PTPN18: variants seen among roughly 807,000 people sequenced by gnomAD.
PTPN18 encodes the protein tyrosine-protein phosphatase non-receptor type 18.
Under a neutral mutation model 65.4 loss-of-function variants are expected in PTPN18, and 65 were observed. The ratio of observed to expected loss-of-function variants is 0.99; its 90% CI spans 0.81 to 1.22. The LOEUF (loss-of-function observed/expected upper bound fraction) is 1.22, where lower values mean the gene tolerates loss of function less well. Among genes scored for constraint, PTPN18 ranks in the 50% most tolerant of loss-of-function variants. The probability of loss-of-function intolerance (pLI) is 0.00; values close to 1 mark genes in which losing one functional copy is unlikely to be tolerated. For missense variants in PTPN18, 616 were observed against 646.5 expected (o/e 0.95, Z 0.51); for synonymous variants, 255 against 267.8 (o/e 0.95, Z 0.47).
At position 130,373,342 on chromosome 2, in the gene PTPN18, C is replaced by T; in HGVS notation, c.*118C>T. On this transcript the variant is annotated 3_prime_UTR_variant, in exon 15 of 15. Transcript: ENST00000175756. The surrounding 1 kb of genome is among the most constrained non-coding windows in gnomAD (Gnocchi z 4.1). ...GGCCTGGATCAAAGTTAAAGTTTCT[C>T]AGGGTGGGAAATGTGGGGGCTTTGC... The T allele has an allele frequency of 2.7e-6, 3 of 1,112,196 alleles. No individual in the cohort carries two copies. Among genetic ancestry groups the T allele is most frequent in the Non-Finnish European group, 3.7e-6 (3 of 803,108 alleles). 68.9% of individuals were successfully genotyped at this position (1,112,196 alleles called of 1,614,324 possible).
chr2:130,359,588 C>G lies in PTPN18; in HGVS notation c.376-20C>G. 1 of 1,614,028 alleles carries G rather than the reference C, an allele frequency of 6.2e-7. No homozygotes were observed. The highest frequency in any genetic ancestry group is 1.1e-5 in the South Asian group (1 of 91,074). On this transcript the variant is annotated intron_variant, in intron 4 of 14. Transcript: ENST00000175756. The stretch of plus-strand genomic sequence containing the variant: ...CCCTCACCCAAATCACCTTCCTCTC[C>G]CCTGACCCTCCTTGTCTAGGTGATC...
At position 130,361,549 on chromosome 2, in the gene PTPN18, TCTTTCTTTCTTTCTTTC is replaced by T. The variant is rs771991813; in HGVS notation, c.414+1913_414+1929del. Among the ~76,000 whole-genome samples, 410 of 145,910 alleles carry T rather than the reference TCTTTCTTTCTTTCTTTC, an allele frequency of 2.8e-3. 4 individuals are homozygous for T. The highest frequency in any genetic ancestry group is 4.8e-3 in the Non-Finnish European group (322 of 66,948). On this transcript the variant is annotated intron_variant, in intron 5 of 14. Coordinates refer to ENST00000175756, the MANE Select transcript of PTPN18 (RefSeq NM_014369.4). Reference sequence around the variant, plus strand: ...TTCTTTCTTTCTTTCTTTCTTTCTTTCTTTCTTTCTTTCTTTCCTTTCTTTCCTTTCTTTCCTTTCTT... The same window carrying T: ...TTCTTTCTTTCTTTCTTTCTTTCTTTCTTTCTTTCCTTTCTTTCCTTTCTT...
chr2:130,360,536 A>T (rs1680158736), intron 5 of PTPN18, among the ~76,000 whole-genome samples: 1 of 151,380 alleles, frequency 6.6e-6, no homozygotes, highest in Non-Finnish European at 1.5e-5. Flanking sequence ...TCATCTCTCT[A>T]TTTCGCTATC....
In PTPN18 at chr2:130,371,878, T is replaced by C. The variant is rs560389399; in HGVS notation, c.1014-379T>C. 13 of 222,352 alleles carry C rather than the reference T, an allele frequency of 5.8e-5. No individual in the cohort carries two copies. In the South Asian group the frequency reaches 1.8e-3, roughly 31 times the overall value. The allele number at this position is 222,352 out of a possible 1,614,324, so 13.8% of individuals were successfully genotyped here. On this transcript the variant is annotated intron_variant, in intron 12 of 14. Transcript: ENST00000175756. Reference sequence around the variant, plus strand: ...CGCCGCCTTCTTGTCAGGCCGCACGTTGGGTGCTGCGGACATGGGATTGAG... The same window carrying C: ...CGCCGCCTTCTTGTCAGGCCGCACGCTGGGTGCTGCGGACATGGGATTGAG...
In PTPN18 at chr2:130,374,734, C is replaced by A; in HGVS notation, c.*1510C>A. The A allele has an allele frequency of 4.3e-6, 2 of 469,314 alleles. No homozygotes were observed. Among genetic ancestry groups the A allele is most frequent in the South Asian group, 1.6e-5 (1 of 64,516 alleles). 29.1% of individuals were successfully genotyped at this position (469,314 alleles called of 1,614,324 possible). A position where few individuals can be genotyped will look rare whatever the true frequency, so the allele number is the denominator to read the frequency against. On this transcript the variant is annotated 3_prime_UTR_variant, in exon 15 of 15. Transcript: ENST00000175756. ...TATGCACTGCCACAGTGCCCTGGGC[C>A]CCATGTCCACCCCTGTCCTGCCCTT...
Position 130,356,064 on chromosome 2 carries a change from C to A in PTPN18, c.-44C>A, listed in dbSNP as rs1026665991. On this transcript the variant is annotated 5_prime_UTR_variant, in exon 1 of 15. Transcript: ENST00000175756. ...CGCCTCCCGCGGCGTCCACACTCGC[C>A]GCGCGCGCGGCGGCCGGGCTGGACC... The A allele has an allele frequency of 4.9e-5, 57 of 1,170,636 alleles. No individual in the cohort carries two copies. The highest frequency in any genetic ancestry group is 5.2e-5 in the Non-Finnish European group (49 of 934,482). 72.5% of individuals were successfully genotyped at this position (1,170,636 alleles called of 1,614,324 possible). A position where few individuals can be genotyped will look rare whatever the true frequency, so the allele number is the denominator to read the frequency against.
chr2:130,372,788 C>A, intron 13 of PTPN18, 85 bp from the exon 14 acceptor site: 1 of 1,514,822 alleles, frequency 6.6e-7, no homozygotes, highest in Non-Finnish European at 9.1e-7. Context: ...CTTCGGGCCT[C>A]CGGGGAAGCG....
chr2:130,356,166 G>A lies in PTPN18; in HGVS notation c.59G>A (p.Gly20Asp), dbSNP rs1207010775. Residue 20 changes from glycine to aspartate, a missense_variant, in exon 1 of 15, where the codon GGC becomes GAC. Gly to Asp is a moderately conservative substitution (Grantham distance 94). This residue lies in a region of PTPN18 where 223 missense variants were observed against 210.0 expected (regional missense o/e 1.06). Transcript: ENST00000175756. ...CTGGAGCGGCTGGAAGCGCGGGGCG[G>A]CCGGGAGGGGGCAGTCCTCGCCGGC... ...SFLERLEARG[G>D]REGAVLAGEF... 1.5e-6 allele frequency: 2 copies of A among 1,314,536 alleles called. No homozygotes were observed. Among genetic ancestry groups the A allele is most frequent in the Non-Finnish European group, 1.9e-6 (2 of 1,036,732 alleles). 81.4% of individuals were successfully genotyped at this position (1,314,536 alleles called of 1,614,324 possible).
At chr2:130,372,594 A>G (rs1680610187) in intron 13 of PTPN18, 111 bp downstream of exon 13, 1 of 1,293,722 alleles carries the variant, frequency 7.7e-7, no homozygotes, top group South Asian at 1.6e-5. Context: ...CCCAGCCGCT[A>G]GCCTGGCCAC....
At chr2:130,372,645 G>A (rs898800128) in intron 13 of PTPN18, 162 bp downstream of exon 13, 1 of 1,075,814 alleles carries the variant, frequency 9.3e-7, no homozygotes, top group African/African-American at 1.6e-5. Context: ...CCACGCCCCG[G>A]AAGCGCCCCC....
chr2:130,373,193 G>T lies in PTPN18; in HGVS notation c.1352G>T (p.Arg451Leu). The T allele has an allele frequency of 1.2e-6, 2 of 1,602,338 alleles. No homozygotes were observed. The highest frequency in any genetic ancestry group is 1.7e-6 in the Non-Finnish European group (2 of 1,174,592). ...CGCATTGGGAGGCCGAAGGGTCCCCGGGACCCGCCTGCTGAGTGGACCCGG... is the reference window on the plus strand; with the variant it reads ...CGCATTGGGAGGCCGAAGGGTCCCCTGGACCCGCCTGCTGAGTGGACCCGG... ...NLRIGRPKGP[R>L]DPPAEWTRV Residue 451 changes from arginine (R) to leucine (L), a missense_variant, in exon 15 of 15, where the codon CGG (arginine) becomes CTG (leucine). By Grantham distance (102) the Arg-to-Leu change is moderately radical. Transcript: ENST00000175756. This position sits in a 1 kb window ranked among gnomAD's most constrained non-coding sequence, Gnocchi z 4.1.
At chr2:130,357,529 A>C (rs535502923) in intron 1 of PTPN18, among the ~76,000 whole-genome samples, 17 of 152,340 alleles carry the variant, frequency 1.1e-4, no homozygotes, top group African/African-American at 4.1e-4. Context: ...AAAATGACCA[A>C]AGTTATTTGA....
In PTPN18 at chr2:130,373,246, G is replaced by A. The variant is rs766006415; in HGVS notation, c.*22G>A. 2.1e-5 allele frequency: 33 copies of A among 1,558,766 alleles called. No homozygotes were observed. The East Asian group carries it at 5.0e-4, about 24-fold the overall frequency. ...GTAAGTCTAACGCCAGTTCCTGCCTGTTGCCTCTTGTGAGCTCGGACTGCT... is the reference window on the plus strand; with the variant it reads ...GTAAGTCTAACGCCAGTTCCTGCCTATTGCCTCTTGTGAGCTCGGACTGCT... On this transcript the variant is annotated 3_prime_UTR_variant, in exon 15 of 15. Transcript: ENST00000175756. The surrounding 1 kb of genome is among the most constrained non-coding windows in gnomAD (Gnocchi z 4.1).
chr2:130,370,054 C>T lies in PTPN18; in HGVS notation c.553C>T (p.Arg185Cys), dbSNP rs746357447. The T allele has an allele frequency of 5.0e-6, 8 of 1,613,836 alleles. No individual in the cohort carries two copies. Among genetic ancestry groups the T allele is most frequent in the Non-Finnish European group, 6.8e-6 (8 of 1,179,934 alleles). Residue 185 changes from arginine to cysteine, a missense_variant, in exon 8 of 15, where the codon CGT becomes TGT. Coordinates refer to ENST00000175756, the MANE Select transcript of PTPN18 (RefSeq NM_014369.4). ...TLKVTFQKESRSVYQLQYMSW... is the reference protein window; with the variant it reads ...TLKVTFQKESCSVYQLQYMSW... The stretch of plus-strand genomic sequence containing the variant: ...ATCTTTTTCTGTGTTTCAGGAGTCC[C>T]GTTCTGTGTACCAGCTACAGTATAT...
intron 5 of PTPN18, among the ~76,000 whole-genome samples, chr2:130,367,377 G>A (rs56093622): frequency 1.3e-5 from 2 of 152,114 alleles, no homozygotes; most frequent in Middle Eastern, 3.4e-3. Flanking sequence ...ATGCTTTTAA[G>A]ATTTTCTCTT....
chr2:130,370,055 G>A lies in PTPN18; in HGVS notation c.554G>A (p.Arg185His), dbSNP rs758807838. 51 of 1,613,812 alleles carry A rather than the reference G, an allele frequency of 3.2e-5. No homozygotes were observed. Among genetic ancestry groups the A allele is most frequent in the Non-Finnish European group, 3.8e-5 (45 of 1,179,914 alleles). The change falls in exon 8 of 15, where the codon CGT becomes CAT. Residue 185 changes from arginine to histidine, a missense_variant. This residue lies in a region of PTPN18 where 25 missense variants were observed against 49.8 expected (regional missense o/e 0.50). Coordinates refer to ENST00000175756, the MANE Select transcript of PTPN18 (RefSeq NM_014369.4). ...TCTTTTTCTGTGTTTCAGGAGTCCC[G>A]TTCTGTGTACCAGCTACAGTATATG... ...TLKVTFQKES[R>H]SVYQLQYMSW...
Position 130,370,637 on chromosome 2 carries a change from A to G in PTPN18, c.756+14A>G, listed in dbSNP as rs1394025228. 1.9e-6 allele frequency: 3 copies of G among 1,614,178 alleles called. No individual in the cohort carries two copies. Among genetic ancestry groups the G allele is most frequent in the African/African-American group, 1.3e-5 (1 of 75,066 alleles). ...CTCCTGACCCAGGTACGATACAGGC[A>G]TCCTGTGTGTGCAGTGTGCTGCCCA... On this transcript the variant is annotated intron_variant, in intron 9 of 14. Transcript: ENST00000175756.
intron 12 of PTPN18, among the ~76,000 whole-genome samples, chr2:130,371,641 C>G (rs1680567711): frequency 6.6e-6 from 1 of 152,230 alleles, no homozygotes; most frequent in East Asian, 1.9e-4. Context: ...ATGGTGAAAC[C>G]CTGTCTCTAC....
chr2:130,372,619 G>A (rs1680611263), intron 13 of PTPN18, 136 bp downstream of exon 13: 2 of 1,180,204 alleles, frequency 1.7e-6, no homozygotes, highest in African/African-American at 3.1e-5. Context: ...CGACGCTGAT[G>A]TCCAGGCGTC....
Sources: allele counts gnomAD v4.1 joint callset (sites outside exome capture counted in the v4.1 genomes callset), GRCh38; gene constraint gnomAD v4.1.1; regional missense constraint gnomAD v4.1.1; non-coding constraint Gnocchi (gnomAD v3.1); transcripts MANE v1.5; gene names NCBI Gene and HGNC (gene_info 2026-07-23, HGNC 2026-07-21).